RBFOX3: variants seen among roughly 807,000 people sequenced by gnomAD.
RBFOX3 encodes the protein RNA binding fox-1 homolog 3.
Under a neutral mutation model 48.7 loss-of-function variants are expected in RBFOX3, and 17 were observed. That is an observed-to-expected ratio of 0.35 (90% CI 0.24 to 0.52). RBFOX3 has a LOEUF of 0.52. RBFOX3 is among the 20% of genes least tolerant of loss of function. RBFOX3 has a pLI of 0.94. For synonymous variants in RBFOX3, 212 were observed against 209.5 expected, an observed-to-expected ratio of 1.01 and a Z score of -0.10; for missense variants, 382 against 497.5, an observed-to-expected ratio of 0.77 and a Z score of 2.21.
At chr17:79,359,015 G>A (rs987893011) in intron 2 of RBFOX3, among the ~76,000 whole-genome samples, 6 of 152,248 alleles carry the variant, frequency 3.9e-5, no homozygotes, top group Non-Finnish European at 5.9e-5. Flanking sequence ...CCCAGCCCAG[G>A]GAGGCACAGA....
chr17:79,444,107 G>T (rs1399665842), intron 2 of RBFOX3, among the ~76,000 whole-genome samples: 1 of 152,146 alleles, frequency 6.6e-6, no homozygotes, highest in African/African-American at 2.4e-5. Context: ...GAATCATTAG[G>T]GGGACAGAAT....
In RBFOX3 at chr17:79,106,738, G is replaced by T. The variant is rs1599450000; in HGVS notation, c.273C>A (p.Asp91Glu). The change falls in exon 6 of 15, where the codon GAC (aspartate) becomes GAA (glutamate). Residue 91 changes from aspartate to glutamate, a missense_variant. Physicochemically the swap from Asp to Glu is conservative, Grantham distance 45 (BLOSUM62 2). Transcript: ENST00000693108. Reference protein sequence around the residue: ...QTDSQPLHPSDPTEKQQPKRL... With the variant: ...QTDSQPLHPSEPTEKQQPKRL... ...GCTTGGGCTGCTGCTTCTCTGTAGGGTCGGAGGGGTGGAGCGGCTGGCTGT... is the reference window on the plus strand; with the variant it reads ...GCTTGGGCTGCTGCTTCTCTGTAGGTTCGGAGGGGTGGAGCGGCTGGCTGT... The T allele has an allele frequency of 6.6e-7, 1 of 1,522,364 alleles. No homozygotes were observed. Among genetic ancestry groups the T allele is most frequent in the Admixed American group, 2.2e-5 (1 of 45,014 alleles). 94.3% of individuals were successfully genotyped at this position (1,522,364 alleles called of 1,614,324 possible).
Position 79,115,519 on chromosome 17 carries a change from G to C in RBFOX3, c.197C>G (p.Pro66Arg). 7.5e-7 allele frequency: 1 copy of C among 1,339,564 alleles called. No individual in the cohort carries two copies. Among genetic ancestry groups the C allele is most frequent in the East Asian group, 3.1e-5 (1 of 32,748 alleles). The allele number at this position is 1,339,564 out of a possible 1,614,324, so 83.0% of individuals were successfully genotyped here. Residue 66 changes from proline (P) to arginine (R), a missense_variant, in exon 5 of 15, where the codon CCC (proline) becomes CGC (arginine). This residue lies in a region of RBFOX3 where 118 missense variants were observed against 132.1 expected (regional missense o/e 0.89). Transcript: ENST00000693108. ...EQPGSEASTQ[P>R]IAGTQTVPQT... ...CGGCACTGTCTGGGTCCCGGCGATG[G>C]GCTGTGTGCTGGCCTCGGAGCCTGG...
the RBFOX3 span, among the ~76,000 whole-genome samples, chr17:79,633,085 C>A: frequency 6.6e-6 from 1 of 152,384 alleles, no homozygotes; most frequent in South Asian, 2.1e-4. Flanking sequence ...AGGAGAGTTT[C>A]TCCTAAAGGA....
intron 4 of RBFOX3, among the ~76,000 whole-genome samples, chr17:79,186,594 G>C (rs2053455908): frequency 6.6e-6 from 1 of 152,194 alleles, no homozygotes; most frequent in African/African-American, 2.4e-5. Context: ...CTGTGCTCCT[G>C]GTGGCTGTGC....
chr17:79,330,963 C>T (rs1490423027), intron 2 of RBFOX3, among the ~76,000 whole-genome samples: 4 of 152,200 alleles, frequency 2.6e-5, no homozygotes. Context: ...TGTCATTTCA[C>T]TCTATGTTGC....
the RBFOX3 span, among the ~76,000 whole-genome samples, chr17:79,638,665 T>C: frequency 6.6e-6 from 1 of 152,220 alleles, no homozygotes; most frequent in Non-Finnish European, 1.5e-5. Flanking sequence ...GAGTGGATCC[T>C]TCATGAATAC....
intron 1 of RBFOX3, among the ~76,000 whole-genome samples, chr17:79,542,089 T>C (rs577309705): frequency 1.6e-4 from 25 of 152,042 alleles, no homozygotes; most frequent in Non-Finnish European, 2.9e-4. Flanking sequence ...GAGACCTCTA[T>C]GTGAGAGGCG....
the RBFOX3 span, among the ~76,000 whole-genome samples, chr17:79,664,641 C>A: frequency 6.6e-6 from 1 of 152,226 alleles, no homozygotes; most frequent in African/African-American, 2.4e-5. Context: ...AGCCACCGCG[C>A]CCGGCCTACT....
At chr17:79,112,188 C>T (rs1165772791) in intron 5 of RBFOX3, among the ~76,000 whole-genome samples, 1 of 152,132 alleles carries the variant, frequency 6.6e-6, no homozygotes, top group Admixed American at 6.5e-5. Context: ...GGGACCCACC[C>T]GAGGGTATCG....
At chr17:79,172,235 G>C (rs1402441676) in intron 4 of RBFOX3, among the ~76,000 whole-genome samples, 1 of 149,480 alleles carries the variant, frequency 6.7e-6, no homozygotes, top group Admixed American at 6.6e-5. Context: ...TTTCCCAAAT[G>C]AGGACATTTA....
At chr17:79,339,532 G>A (rs934445461) in intron 2 of RBFOX3, among the ~76,000 whole-genome samples, 2 of 152,208 alleles carry the variant, frequency 1.3e-5, no homozygotes, top group African/African-American at 4.8e-5. Flanking sequence ...GAGGGAAGGA[G>A]GAAGTGGTTC....
chr17:79,112,087 C>T (rs1007826481), intron 5 of RBFOX3, among the ~76,000 whole-genome samples: 4 of 152,186 alleles, frequency 2.6e-5, no homozygotes, highest in Non-Finnish European at 5.9e-5. Context: ...AAGGAGCCTC[C>T]GTATTTCTGG....
chr17:79,091,962 T>A (rs933137100), intron 14 of RBFOX3: 2 of 985,324 alleles, frequency 2.0e-6, no homozygotes, highest in African/African-American at 3.5e-5. Flanking sequence ...TCAATAAAAT[T>A]TAATGAAAAA....
At chr17:79,301,565 AGGGGAGGAG>A (rs1335688823) in intron 3 of RBFOX3, among the ~76,000 whole-genome samples, 5 of 152,228 alleles carry the variant, frequency 3.3e-5, no homozygotes, top group African/African-American at 7.2e-5. Flanking sequence ...GGGAGAAAGC[AGGGGAGGAG>A]CACCTCGCTG....
intron 5 of RBFOX3, among the ~76,000 whole-genome samples, chr17:79,114,022 T>C (rs2033026580): frequency 6.6e-6 from 1 of 152,140 alleles, no homozygotes; most frequent in African/African-American, 2.4e-5. Context: ...TCTGGTTTTC[T>C]TCTGGGACGA....
intron 2 of RBFOX3, among the ~76,000 whole-genome samples, chr17:79,372,644 T>A (rs1302418829): frequency 1.3e-5 from 2 of 152,034 alleles, no homozygotes; most frequent in Non-Finnish European, 2.9e-5. Context: ...AGCTCCCCCA[T>A]GTTTCCTGGG....
chr17:79,603,173 G>A (rs1051472502), intron 1 of RBFOX3, among the ~76,000 whole-genome samples: 9 of 152,038 alleles, frequency 5.9e-5, no homozygotes, highest in African/African-American at 2.2e-4. Context: ...TGTACTTTTA[G>A]TATAGATGGG....
chr17:79,522,069 G>T (rs944929517), intron 1 of RBFOX3, among the ~76,000 whole-genome samples: 1 of 152,184 alleles, frequency 6.6e-6, no homozygotes, highest in African/African-American at 2.4e-5. Flanking sequence ...CTGGAGGGGA[G>T]ACCCTGGAAA....
Sources: allele counts gnomAD v4.1 joint callset (sites outside exome capture counted in the v4.1 genomes callset), GRCh38; gene constraint gnomAD v4.1.1; regional missense constraint gnomAD v4.1.1; transcripts MANE v1.5; gene names NCBI Gene and HGNC (gene_info 2026-07-23, HGNC 2026-07-21).